Variants in AGMO observed in about 807,000 individuals in gnomAD.
The protein encoded by AGMO is glyceryl-ether monooxygenase.
A neutral mutation model predicts 60.2 loss-of-function variants in AGMO; 75 were observed. The ratio of observed to expected loss-of-function variants is 1.25; its 90% confidence interval spans 1.03 to 1.51. The LOEUF (loss-of-function observed/expected upper bound fraction) is 1.51, where lower values mean the gene tolerates loss of function less well. Among genes scored for constraint, AGMO ranks in the 40% most tolerant of loss-of-function variants. The pLI, the probability that AGMO is intolerant of heterozygous loss-of-function variation, is 0.00. For synonymous variants in AGMO, 261 were observed against 177.1 expected (o/e 1.47, Z -3.76); for missense variants, 763 against 525.5 (o/e 1.45, Z -4.42).
intron 5 of AGMO, among the ~76,000 whole-genome samples, chr7:15,412,040 T>G (rs1452972361): frequency 6.6e-6 from 1 of 152,160 alleles, no homozygotes; most frequent in Admixed American, 6.6e-5. Flanking sequence ...TACCACTCTA[T>G]TGCGTTTGCT....
chr7:15,302,854 T>A (rs111364045), intron 12 of AGMO, among the ~76,000 whole-genome samples: 1 of 152,282 alleles, frequency 6.6e-6, no homozygotes, highest in African/African-American at 2.4e-5. Flanking sequence ...ACTGAAGCCA[T>A]GAAATTGTTA....
intron 8 of AGMO, among the ~76,000 whole-genome samples, chr7:15,389,509 G>A (rs544932129): frequency 6.6e-6 from 1 of 152,158 alleles, no homozygotes; most frequent in African/African-American, 2.4e-5. Flanking sequence ...ATGCCATATA[G>A]TTGAGAAGAA....
At chr7:15,538,109 C>T (rs1321844717) in intron 3 of AGMO, among the ~76,000 whole-genome samples, 4 of 152,148 alleles carry the variant, frequency 2.6e-5, no homozygotes, top group South Asian at 2.1e-4. Context: ...GCTAAATAAT[C>T]CCACTTCAAG....
chr7:15,236,894 A>C (rs1782440093), intron 12 of AGMO, among the ~76,000 whole-genome samples: 1 of 152,264 alleles, frequency 6.6e-6, no homozygotes, highest in African/African-American at 2.4e-5. Context: ...TGATCAACTA[A>C]GAAACGGCCA....
intron 12 of AGMO, among the ~76,000 whole-genome samples, chr7:15,364,109 G>A (rs187996083): frequency 1.2e-3 from 189 of 151,520 alleles, no homozygotes; most frequent in African/African-American, 4.3e-3. Context: ...TATGCTTCAC[G>A]GTTTAAATTC....
intron 12 of AGMO, among the ~76,000 whole-genome samples, chr7:15,293,736 G>C (rs539890544): frequency 1.3e-5 from 2 of 152,230 alleles, no homozygotes; most frequent in East Asian, 3.9e-4. Flanking sequence ...TGGTTAAGCA[G>C]TACTCGGCCT....
intron 3 of AGMO, among the ~76,000 whole-genome samples, chr7:15,528,647 T>C (rs1417380926): frequency 6.6e-6 from 1 of 151,982 alleles, no homozygotes; most frequent in Non-Finnish European, 1.5e-5. Flanking sequence ...AGACCATTTT[T>C]ATTTATTTAT....
intron 3 of AGMO, among the ~76,000 whole-genome samples, chr7:15,501,010 T>A (rs1321570109): frequency 1.3e-5 from 2 of 152,064 alleles, no homozygotes; most frequent in Admixed American, 6.6e-5. Flanking sequence ...ATTTTCTTAG[T>A]ATTATTTCTA....
chr7:15,212,163 T>C (rs1001932087), intron 12 of AGMO, among the ~76,000 whole-genome samples: 1 of 151,624 alleles, frequency 6.6e-6, no homozygotes, highest in African/African-American at 2.4e-5. Context: ...CATATTAAAG[T>C]CACAAAATAG....
chr7:15,344,084 C>T (rs924593615), intron 12 of AGMO, among the ~76,000 whole-genome samples: 4 of 151,942 alleles, frequency 2.6e-5, no homozygotes, highest in Admixed American at 6.6e-5. Flanking sequence ...TGTAAAATTC[C>T]AAGTTTGAGA....
chr7:15,274,534 A>G (rs1183636365), intron 12 of AGMO, among the ~76,000 whole-genome samples: 1 of 151,452 alleles, frequency 6.6e-6, no homozygotes, highest in East Asian at 1.9e-4. Context: ...CTATGTTTTT[A>G]TTTTGTGTTG....
intron 12 of AGMO, among the ~76,000 whole-genome samples, chr7:15,208,514 G>A (rs1328020574): frequency 3.9e-5 from 6 of 152,042 alleles, no homozygotes; most frequent in Non-Finnish European, 7.4e-5. Context: ...TATAAAGTTG[G>A]GAATAAAACA....
intron 12 of AGMO, among the ~76,000 whole-genome samples, chr7:15,327,018 G>A (rs77751880): frequency 0.047 from 7,115 of 152,180 alleles, 246 homozygotes; most frequent in African/African-American, 0.089. Flanking sequence ...TTTGATCAAT[G>A]CTGAAAGTTC....
At chr7:15,292,295 G>A (rs984227042) in intron 12 of AGMO, among the ~76,000 whole-genome samples, 6 of 152,094 alleles carry the variant, frequency 3.9e-5, no homozygotes, top group African/African-American at 1.4e-4. Flanking sequence ...CTCTGAAAGG[G>A]GTGAAACCAA....
chr7:15,510,052 C>G (rs1783627440), intron 3 of AGMO, among the ~76,000 whole-genome samples: 1 of 152,140 alleles, frequency 6.6e-6, no homozygotes, highest in African/African-American at 2.4e-5. Flanking sequence ...TACAGCAACC[C>G]TTCTTCTGGT....
chr7:15,276,377 T>G (rs1194588300), intron 12 of AGMO, among the ~76,000 whole-genome samples: 2 of 152,134 alleles, frequency 1.3e-5, no homozygotes, highest in Non-Finnish European at 2.9e-5. Context: ...TCTTCTGGCT[T>G]GTAAGGTTTC....
intron 3 of AGMO, among the ~76,000 whole-genome samples, chr7:15,540,052 TGAACTACTAAA>T (rs2115270944): frequency 6.6e-6 from 1 of 152,160 alleles, no homozygotes; most frequent in East Asian, 1.9e-4. Flanking sequence ...AAAGAGGAAG[TGAACTACTAAA>T]GAGGTAAGGA....
chr7:15,134,929 G>A, the AGMO span, among the ~76,000 whole-genome samples: 1 of 151,800 alleles, frequency 6.6e-6, no homozygotes, highest in Non-Finnish European at 1.5e-5. Flanking sequence ...CACGAATGAC[G>A]TTCACATATT....
At chr7:15,386,134 C>T (rs1783900669) in intron 9 of AGMO, among the ~76,000 whole-genome samples, 1 of 151,334 alleles carries the variant, frequency 6.6e-6, no homozygotes, top group Non-Finnish European at 1.5e-5. Flanking sequence ...TGAGCCAGGA[C>T]TGCATGACTG....
Sources: gnomAD v4.1 joint callset for allele counts (sites outside exome capture counted in the v4.1 genomes callset) on GRCh38, gnomAD v4.1.1 for gene constraint, MANE v1.5 for transcripts, NCBI Gene and HGNC (gene_info 2026-07-23, HGNC 2026-07-21) for gene names.